GRIN2A: variants seen among roughly 807,000 people sequenced by gnomAD.
The protein encoded by GRIN2A is glutamate ionotropic receptor NMDA type subunit 2A, also known as glutamate receptor ionotropic, NMDA 2A.
A neutral mutation model predicts 113.4 loss-of-function variants in GRIN2A; 22 were observed. The ratio of observed to expected loss-of-function variants is 0.19; its 90% confidence interval spans 0.14 to 0.28. The LOEUF is 0.28. GRIN2A is among the 10% of genes least tolerant of loss of function. GRIN2A has a pLI of 1.00. For synonymous variants in GRIN2A, 827 were observed against 738.4 expected (o/e 1.12, Z -1.94); for missense variants, 1,502 against 1,887.0 (o/e 0.80, Z 3.78).
chr16:9,918,552 G>A (rs1349125499), intron 3 of GRIN2A, among the ~76,000 whole-genome samples: 2 of 152,138 alleles, frequency 1.3e-5, no homozygotes, highest in Admixed American at 6.6e-5. Context: ...AAGGATAAGA[G>A]GGGACTACTG....
intron 2 of GRIN2A, among the ~76,000 whole-genome samples, chr16:10,124,714 T>C (rs2048897505): frequency 6.6e-6 from 1 of 152,148 alleles, no homozygotes; most frequent in African/African-American, 2.4e-5. Flanking sequence ...GGCCCGTGTG[T>C]CAGGTGTTGT....
At chr16:9,970,182 G>A (rs1225228231) in intron 2 of GRIN2A, among the ~76,000 whole-genome samples, 1 of 152,212 alleles carries the variant, frequency 6.6e-6, no homozygotes, top group Admixed American at 6.5e-5. Flanking sequence ...GATACAACCT[G>A]CTAGGCCTCC....
At chr16:10,090,083 G>A (rs118081162) in intron 2 of GRIN2A, among the ~76,000 whole-genome samples, 2,311 of 152,112 alleles carry the variant, frequency 0.015, 28 homozygotes, top group Admixed American at 0.021. Flanking sequence ...GACCTACCAG[G>A]CATTATATGA....
intron 11 of GRIN2A, among the ~76,000 whole-genome samples, chr16:9,775,658 G>A (rs1901549617): frequency 1.3e-5 from 2 of 152,256 alleles, no homozygotes; most frequent in South Asian, 4.1e-4. Flanking sequence ...AAGAGTAGAA[G>A]CCAGAATGCT....
In GRIN2A at chr16:9,829,324, G is replaced by A. The variant is rs1038939339; in HGVS notation, c.2007+99C>T. ...AACCTTCTGGCTTTTGTGCATTCGA[G>A]TTGATGGATCTCAATGAGAGGCACC... On this transcript the variant is annotated intron_variant, in intron 9 of 12. Coordinates refer to ENST00000330684, the MANE Select transcript of GRIN2A (RefSeq NM_001134407.3). The A allele has an allele frequency of 2.6e-5, 20 of 763,888 alleles. No individual in the cohort carries two copies. The Middle Eastern group carries it at 1.1e-3, about 41-fold the overall frequency. 47.3% of individuals were successfully genotyped at this position (763,888 alleles called of 1,614,324 possible).
chr16:10,079,364 G>C (rs1274333403), intron 2 of GRIN2A, among the ~76,000 whole-genome samples: 4 of 152,210 alleles, frequency 2.6e-5, no homozygotes, highest in African/African-American at 4.8e-5. Flanking sequence ...GAGACCTGAA[G>C]AATGAGATGG....
chr16:9,892,521 G>A (rs1334044484), intron 3 of GRIN2A, among the ~76,000 whole-genome samples: 1 of 152,034 alleles, frequency 6.6e-6, no homozygotes, highest in Non-Finnish European at 1.5e-5. Flanking sequence ...TTAGATGAGG[G>A]GAAGGGAGAA....
At position 9,962,581 on chromosome 16, in the gene GRIN2A, T is replaced by C. The variant is rs1030134874; in HGVS notation, c.415-24030A>G. On this transcript the variant is annotated intron_variant, in intron 2 of 12. Coordinates refer to ENST00000330684, the MANE Select transcript of GRIN2A (RefSeq NM_001134407.3). ...CAATGAGATACCATCTCACACCAGT[T>C]AGAATGGCGATCATTAAAAAGTCAG... 2.6e-5 allele frequency among the ~76,000 whole-genome samples: 4 copies of C among 152,208 alleles called. No homozygotes were observed. The East Asian group carries it at 5.8e-4, about 22-fold the overall frequency.
chr16:9,808,679 C>T (rs556552770), intron 10 of GRIN2A, among the ~76,000 whole-genome samples: 29 of 152,136 alleles, frequency 1.9e-4, no homozygotes, highest in Admixed American at 5.9e-4. Context: ...TTAAAGTAGG[C>T]GTTTCTTACC....
At chr16:9,868,863 C>T (rs1040433893) in intron 4 of GRIN2A, among the ~76,000 whole-genome samples, 10 of 152,294 alleles carry the variant, frequency 6.6e-5, no homozygotes, top group Admixed American at 5.2e-4. Flanking sequence ...CGCTACTCAC[C>T]CTGCCCAGAA....
At chr16:10,040,056 T>C (rs202159362) in intron 2 of GRIN2A, among the ~76,000 whole-genome samples, 84 of 3,180 alleles carry the variant, frequency 0.026, no homozygotes, top group South Asian at 0.046. Context: ...CACACCACCA[T>C]AAATACACTA....
intron 2 of GRIN2A, among the ~76,000 whole-genome samples, chr16:10,081,138 C>T (rs1338987099): frequency 2.6e-5 from 4 of 152,132 alleles, no homozygotes; most frequent in Admixed American, 6.6e-5. Context: ...GGGCAATTTC[C>T]GAGGCTCTTA....
chr16:9,940,537 C>T (rs2044846987), intron 2 of GRIN2A, among the ~76,000 whole-genome samples: 1 of 152,006 alleles, frequency 6.6e-6, no homozygotes, highest in Non-Finnish European at 1.5e-5. Flanking sequence ...TCTTTATGTC[C>T]CCAGAACCTG....
At chr16:9,964,780 C>G (rs1452568111) in intron 2 of GRIN2A, among the ~76,000 whole-genome samples, 1 of 152,156 alleles carries the variant, frequency 6.6e-6, no homozygotes, top group Non-Finnish European at 1.5e-5. Context: ...CCTTGCTAAT[C>G]CAGGATCATC....
intron 2 of GRIN2A, among the ~76,000 whole-genome samples, chr16:10,130,181 A>G (rs772269736): frequency 3.9e-5 from 6 of 152,218 alleles, no homozygotes; most frequent in Non-Finnish European, 5.9e-5. Context: ...GGGAAATGAT[A>G]GAGGCAGACT....
At chr16:10,144,811 C>T (rs934329443) in intron 2 of GRIN2A, among the ~76,000 whole-genome samples, 39 of 150,078 alleles carry the variant, frequency 2.6e-4, no homozygotes, top group African/African-American at 8.6e-4. Context: ...ATCCCAACTA[C>T]TCAGGAGGCT....
At chr16:9,920,865 T>C (rs1024542509) in intron 3 of GRIN2A, among the ~76,000 whole-genome samples, 1 of 152,200 alleles carries the variant, frequency 6.6e-6, no homozygotes, top group Non-Finnish European at 1.5e-5. Context: ...TTGCACCCAG[T>C]ATCACAATTA....
intron 9 of GRIN2A, among the ~76,000 whole-genome samples, chr16:9,823,751 G>T (rs147958765): frequency 5.3e-5 from 8 of 152,284 alleles, no homozygotes; most frequent in African/African-American, 1.9e-4. Flanking sequence ...ATCTATTTAA[G>T]ATTATGCAAC....
intron 7 of GRIN2A, among the ~76,000 whole-genome samples, chr16:9,837,731 T>A (rs2042606917): frequency 6.6e-6 from 1 of 152,204 alleles, no homozygotes; most frequent in African/African-American, 2.4e-5. Context: ...ATTAAGATTC[T>A]GCATGTGTTG....
Sources: allele counts gnomAD v4.1 joint callset (sites outside exome capture counted in the v4.1 genomes callset), GRCh38; gene constraint gnomAD v4.1.1; transcripts MANE v1.5; gene names NCBI Gene and HGNC (gene_info 2026-07-23, HGNC 2026-07-21).